The following TGM4 variants were observed in gnomAD, a reference collection of about 807,000 sequenced individuals.
TGM4 encodes protein-glutamine gamma-glutamyltransferase 4.
In TGM4, 61 loss-of-function variants were observed where a neutral mutation model predicts 76.3. The ratio of observed to expected loss-of-function variants is 0.80; its 90% CI spans 0.65 to 0.99. TGM4 has a LOEUF of 0.99. Ranked by LOEUF, TGM4 falls within the 50% of genes least tolerant of loss-of-function variation. The pLI is 0.00. For synonymous variants in TGM4, 337 were observed against 329.8 expected, an observed-to-expected ratio of 1.02 and a Z score of -0.24; for missense variants, 794 against 843.2, an observed-to-expected ratio of 0.94 and a Z score of 0.72.
intron 2 of TGM4, among the ~76,000 whole-genome samples, chr3:44,885,841 G>A (rs1422985968): frequency 6.6e-6 from 1 of 152,128 alleles, no homozygotes; most frequent in Non-Finnish European, 1.5e-5. Context: ...ATAGCGGGGT[G>A]GGCTGGAGGC....
At chr3:44,911,489 C>T in intron 13 of TGM4, 83 bp downstream of exon 13, 5 of 1,512,792 alleles carry the variant, frequency 3.3e-6, no homozygotes, top group Non-Finnish European at 4.5e-6. Context: ...GAAGTGAATT[C>T]CCAGTATGGG....
chr3:44,911,477 G>T, intron 13 of TGM4, 71 bp downstream of exon 13: 1 of 1,555,486 alleles, frequency 6.4e-7, no homozygotes, highest in Non-Finnish European at 8.8e-7. Context: ...GCATATTCCT[G>T]AGAAGTGAAT....
intron 1 of TGM4, among the ~76,000 whole-genome samples, chr3:44,881,239 C>T (rs575993673): frequency 6.6e-6 from 1 of 152,140 alleles, no homozygotes; most frequent in Non-Finnish European, 1.5e-5. Context: ...TAAATAACCT[C>T]TCACTATTTT....
In TGM4 at chr3:44,893,680, C is replaced by T. The variant is rs2125753170; in HGVS notation, c.534C>T (p.Pro178=). 1 of 1,613,856 alleles carries T rather than the reference C, an allele frequency of 6.2e-7. No individual in the cohort carries two copies. The highest frequency in any genetic ancestry group is 8.5e-7 in the Non-Finnish European group (1 of 1,179,836). ...VGAARSIKCK[P]WNFGQFEKNV... is the part of the protein sequence containing the mutation. ...CTGCCAGAAGTATCAAATGCAAACC[C>T]TGGAACTTTGGTCAGGTAATGATTT... Residue 178 remains proline (P), a synonymous_variant, in exon 5 of 14, where the codon CCC becomes CCT. Coordinates refer to ENST00000296125, the MANE Select transcript of TGM4 (RefSeq NM_003241.4).
intron 8 of TGM4, chr3:44,903,650 G>T (rs367948916): frequency 3.7e-6 from 2 of 537,810 alleles, no homozygotes. Flanking sequence ...GTCTCATGAG[G>T]TTCCCCCAGC....
chr3:44,877,149 T>C (rs1699461134), intron 1 of TGM4, among the ~76,000 whole-genome samples: 1 of 151,826 alleles, frequency 6.6e-6, no homozygotes, highest in Non-Finnish European at 1.5e-5. Context: ...CACAAAACAA[T>C]TTAAAAATTA....
chr3:44,909,992 C>T, intron 10 of TGM4, 98 bp from the exon 11 acceptor site: 6 of 1,416,940 alleles, frequency 4.2e-6, no homozygotes. Flanking sequence ...TCTCTGGAGT[C>T]CTGGCCAGGC....
chr3:44,898,083 C>T (rs1461917118), intron 6 of TGM4, among the ~76,000 whole-genome samples: 4 of 152,072 alleles, frequency 2.6e-5, no homozygotes, highest in Non-Finnish European at 4.4e-5. Flanking sequence ...AGATCGAGAC[C>T]ATCCTGGCTA....
chr3:44,887,945 A>C (rs1699635774), intron 3 of TGM4, 150 bp downstream of exon 3: 1 of 685,758 alleles, frequency 1.5e-6, no homozygotes, highest in African/African-American at 1.8e-5. Context: ...CCATGGCTCC[A>C]AATGTCTGTT....
chr3:44,887,822 G>A, intron 3 of TGM4, 27 bp downstream of exon 3: 2 of 1,601,836 alleles, frequency 1.2e-6, no homozygotes, highest in Non-Finnish European at 1.7e-6. Context: ...CTGGCGGGTG[G>A]GCTGGCTGGC....
At chr3:44,906,215 G>T (rs925441424) in intron 9 of TGM4, among the ~76,000 whole-genome samples, 1 of 152,058 alleles carries the variant, frequency 6.6e-6, no homozygotes, top group Non-Finnish European at 1.5e-5. Flanking sequence ...TGTGTGTTGA[G>T]GATTAAATAA....
At chr3:44,899,050 G>T (rs1160902780) in intron 6 of TGM4, 4 of 152,302 alleles carry the variant, frequency 2.6e-5, no homozygotes, top group Admixed American at 6.5e-5. Context: ...CTCTGGACAA[G>T]ATTCTAAACC....
At chr3:44,900,787 G>T (rs1381738345) in intron 6 of TGM4, 3 of 152,240 alleles carry the variant, frequency 2.0e-5, no homozygotes. Context: ...TGCTTTCAAA[G>T]GTGAACTCAC....
Position 44,911,253 on chromosome 3 carries a change from T to G in TGM4, c.1777-17T>G, listed in dbSNP as rs1700001625. The G allele has an allele frequency of 6.2e-7, 1 of 1,614,022 alleles. No individual in the cohort carries two copies. Among genetic ancestry groups the G allele is most frequent in the East Asian group, 2.2e-5 (1 of 44,874 alleles). Reference sequence around the variant, plus strand: ...GCATATCTTCTCTCCCCATCTCTCCTCCCCACCCTACTACAGTTGCCTAAC... The same window carrying G: ...GCATATCTTCTCTCCCCATCTCTCCGCCCCACCCTACTACAGTTGCCTAAC... On this transcript the variant is annotated splice_polypyrimidine_tract_variant and intron_variant, in intron 12 of 13. Transcript: ENST00000296125.
intron 1 of TGM4, chr3:44,876,393 T>C (rs1699451994): frequency 6.6e-6 from 1 of 152,250 alleles, no homozygotes. Flanking sequence ...GGTGTTTTCA[T>C]GAATATGATT....
At chr3:44,899,800 C>T (rs937939635) in intron 6 of TGM4, among the ~76,000 whole-genome samples, 1 of 152,208 alleles carries the variant, frequency 6.6e-6, no homozygotes, top group East Asian at 1.9e-4. Context: ...TGGGGGAGGA[C>T]CTACTTCCAG....
intron 9 of TGM4, among the ~76,000 whole-genome samples, chr3:44,905,109 C>T (rs1192244881): frequency 3.3e-5 from 5 of 151,640 alleles, no homozygotes; most frequent in Admixed American, 6.6e-5. Flanking sequence ...CTCAGCCTCC[C>T]GAGTAGCTGG....
intron 9 of TGM4, 63 bp from the exon 10 acceptor site, chr3:44,906,886 T>A: frequency 6.3e-7 from 1 of 1,587,484 alleles, no homozygotes; most frequent in South Asian, 1.1e-5. Context: ...TTGCTGCCAC[T>A]GGGTCCAGGC....
chr3:44,879,265 C>CTCTCTATATA (rs1482970491), intron 1 of TGM4, among the ~76,000 whole-genome samples: 18 of 92,276 alleles, frequency 2.0e-4, no homozygotes, highest in African/African-American at 6.2e-4. Flanking sequence ...CTCTCTCTCT[C>CTCTCTATATA]TATATATATA....
Sources: allele counts gnomAD v4.1 joint callset (sites outside exome capture counted in the v4.1 genomes callset), GRCh38; gene constraint gnomAD v4.1.1; transcripts MANE v1.5; gene names NCBI Gene and HGNC (gene_info 2026-07-23, HGNC 2026-07-21).